PIP4K2B: variants seen among roughly 807,000 people sequenced by gnomAD.
PIP4K2B encodes phosphatidylinositol 5-phosphate 4-kinase type-2 beta.
A neutral mutation model predicts 42.0 loss-of-function variants in PIP4K2B; 3 were observed. The observed-to-expected ratio is 0.07, with a 90% CI of 0.03 to 0.18. The LOEUF (loss-of-function observed/expected upper bound fraction) is 0.18. PIP4K2B is among the 10% of genes least tolerant of loss of function. The probability of loss-of-function intolerance (pLI) is 1.00; values close to 1 mark genes in which losing one functional copy is unlikely to be tolerated. For synonymous variants in PIP4K2B, 204 were observed against 210.1 expected (o/e 0.97, Z 0.25); for missense variants, 332 against 562.3 (o/e 0.59, Z 4.14).
intron 1 of PIP4K2B, among the ~76,000 whole-genome samples, chr17:38,798,699 GCTT>G (rs1910781052): frequency 6.6e-6 from 1 of 152,164 alleles, no homozygotes; most frequent in Non-Finnish European, 1.5e-5. Flanking sequence ...GGAAGCCTGT[GCTT>G]CTCCAGTTGA....
rs1472253939 is a variant in PIP4K2B at position 38,799,428 on chromosome 17, CGGGGCGGCGGCGGCGGCGGCGAAAGAGG to C, written c.-32_-5del. 5 of 1,578,638 alleles carry C rather than the reference CGGGGCGGCGGCGGCGGCGGCGAAAGAGG, an allele frequency of 3.2e-6. No individual in the cohort carries two copies. In the African/African-American group the frequency reaches 4.1e-5, roughly 13 times the overall value. On this transcript the variant is annotated 5_prime_UTR_variant, in exon 1 of 10. Coordinates refer to ENST00000619039, the MANE Select transcript of PIP4K2B (RefSeq NM_003559.5). This position sits in a 1 kb window ranked among gnomAD's most constrained non-coding sequence, Gnocchi z 4.4. ...TGCTGGTGCAGTTGGACGACATGCC[CGGGGCGGCGGCGGCGGCGGCGAAAGAGG>C]GGGGCGGCGGAGACAGCGCACAAGC... is the stretch of plus-strand genomic sequence containing the variant.
chr17:38,791,449 T>TG (rs1167026546), intron 1 of PIP4K2B, among the ~76,000 whole-genome samples: 2 of 135,458 alleles, frequency 1.5e-5, no homozygotes, highest in Non-Finnish European at 3.1e-5. Context: ...AGAGCTTTGC[T>TG]CTGGTTTCCC....
rs995194881 is a variant in PIP4K2B, at chr17:38,765,740, CG to C, written c.*3950del. ...TTTTTTCCTCAGGTTGGAGATTCAT[CG>C]TAACATGCATGCATTTTCAAACAGT... On this transcript the variant is annotated 3_prime_UTR_variant, in exon 10 of 10. Transcript: ENST00000619039. The C allele has an allele frequency of 6.6e-6, 1 of 152,532 alleles. No individual in the cohort carries two copies. Among genetic ancestry groups the C allele is most frequent in the Admixed American group, 6.5e-5 (1 of 15,284 alleles). 9.4% of individuals were successfully genotyped at this position (152,532 alleles called of 1,614,324 possible).
chr17:38,780,636 G>A (rs201209806), intron 3 of PIP4K2B, 32 bp from the exon 4 acceptor site: 1 of 1,597,448 alleles, frequency 6.3e-7, no homozygotes, highest in East Asian at 2.3e-5. Context: ...GGCTGGGCTT[G>A]GCAGGGGAAC....
chr17:38,784,426 G>A, intron 2 of PIP4K2B, 87 bp from the exon 3 acceptor site: 1 of 763,840 alleles, frequency 1.3e-6, no homozygotes, highest in South Asian at 1.8e-5. Context: ...AATAGAGACA[G>A]AGTCTTGCTA....
intron 1 of PIP4K2B, among the ~76,000 whole-genome samples, chr17:38,788,177 AATTT>A (rs56975985): frequency 0.11 from 16,134 of 144,274 alleles, 2,107 homozygotes; most frequent in African/African-American, 0.32. Flanking sequence ...TAATAGATTA[AATTT>A]ATTTATTTAT....
At chr17:38,784,009 C>T (rs1363620955) in intron 3 of PIP4K2B, among the ~76,000 whole-genome samples, 2 of 152,212 alleles carry the variant, frequency 1.3e-5, no homozygotes, top group Non-Finnish European at 2.9e-5. Context: ...TCCTGCTGCC[C>T]TCCCTCTGAG....
intron 1 of PIP4K2B, among the ~76,000 whole-genome samples, chr17:38,788,908 G>A (rs1489777271): frequency 6.6e-6 from 1 of 151,120 alleles, no homozygotes; most frequent in Non-Finnish European, 1.5e-5. Flanking sequence ...GGCCGAGATC[G>A]CGCCACTGCC....
At chr17:38,770,907 CAA>C in intron 8 of PIP4K2B, 105 bp downstream of exon 8, 1 of 1,282,420 alleles carries the variant, frequency 7.8e-7, no homozygotes, top group Non-Finnish European at 1.1e-6. Flanking sequence ...TCAAAGGCAG[CAA>C]TGAATGAGGT....
intron 1 of PIP4K2B, among the ~76,000 whole-genome samples, chr17:38,796,086 C>T (rs1910646743): frequency 2.0e-5 from 3 of 151,578 alleles, no homozygotes; most frequent in South Asian, 4.2e-4. Context: ...TGCGGTGAGC[C>T]GAGATTGCAC....
chr17:38,771,381 C>T, intron 7 of PIP4K2B, 109 bp from the exon 8 acceptor site: 1 of 1,308,046 alleles, frequency 7.6e-7, no homozygotes, highest in Non-Finnish European at 1.1e-6. Context: ...ATTCTACAAA[C>T]AGTTTTGAAA....
rs1317030858 is a variant in PIP4K2B at position 38,767,001 on chromosome 17, C to G, written c.*2690G>C. On this transcript the variant is annotated 3_prime_UTR_variant, in exon 10 of 10. Coordinates refer to ENST00000619039, the MANE Select transcript of PIP4K2B (RefSeq NM_003559.5). ...CCAGCCAGGAATCCTGGCCTTAGCC[C>G]TATCCTGGCCTCGCCTAATCAGCCA... The G allele has an allele frequency of 1.3e-5, 2 of 152,250 alleles. No individual in the cohort carries two copies. The highest frequency in any genetic ancestry group is 2.9e-5 in the Non-Finnish European group (2 of 68,070). 9.4% of individuals were successfully genotyped at this position (152,250 alleles called of 1,614,324 possible). A position where few individuals can be genotyped will look rare whatever the true frequency, so the allele number is the denominator to read the frequency against.
Position 38,769,288 on chromosome 17 carries a change from G to T in PIP4K2B, c.*403C>A, listed in dbSNP as rs1908877603. On this transcript the variant is annotated 3_prime_UTR_variant, in exon 10 of 10. Transcript: ENST00000619039. ...TCAGCAAAGATGGGGAGGGTGGGTA[G>T]GCTGATGAAATATGATTATAAATAG... 1.0e-5 allele frequency: 2 copies of T among 190,894 alleles called. No individual in the cohort carries two copies. The highest frequency in any genetic ancestry group is 2.3e-4 in the South Asian group (2 of 8,588). The allele number at this position is 190,894 out of a possible 1,614,324, so 11.8% of individuals were successfully genotyped here.
At position 38,768,593 on chromosome 17, in the gene PIP4K2B, G is replaced by T. The variant is rs777613813; in HGVS notation, c.*1098C>A. The T allele has an allele frequency of 1.3e-5, 2 of 152,226 alleles. No homozygotes were observed. Among genetic ancestry groups the T allele is most frequent in the African/African-American group, 4.8e-5 (2 of 41,452 alleles). The allele number at this position is 152,226 out of a possible 1,614,324, so 9.4% of individuals were successfully genotyped here. A position where few individuals can be genotyped will look rare whatever the true frequency, so the allele number is the denominator to read the frequency against. Reference sequence around the variant, plus strand: ...ACAGATCTCCTACAAGGTCATCCCGGAGCTTAACGAGGTGTCTCTGCTAAA... The same window carrying T: ...ACAGATCTCCTACAAGGTCATCCCGTAGCTTAACGAGGTGTCTCTGCTAAA... On this transcript the variant is annotated 3_prime_UTR_variant, in exon 10 of 10. Coordinates refer to ENST00000619039, the MANE Select transcript of PIP4K2B (RefSeq NM_003559.5).
At chr17:38,769,872 T>C (rs2143306210) in intron 9 of PIP4K2B, 101 bp from the exon 10 acceptor site, 2 of 1,103,262 alleles carry the variant, frequency 1.8e-6, no homozygotes, top group African/African-American at 1.5e-5. Context: ...TTACTCAGTA[T>C]CAGAGCTGAA....
At chr17:38,769,880 G>A in intron 9 of PIP4K2B, 109 bp from the exon 10 acceptor site, 1 of 980,356 alleles carries the variant, frequency 1.0e-6, no homozygotes, top group Non-Finnish European at 1.6e-6. Context: ...TATCAGAGCT[G>A]AATACCACCC....
intron 1 of PIP4K2B, among the ~76,000 whole-genome samples, chr17:38,788,042 C>T (rs539475646): frequency 7.2e-5 from 11 of 152,174 alleles, no homozygotes; most frequent in African/African-American, 2.4e-4. Flanking sequence ...GTCTCCCAAC[C>T]TAAGTGGGTA....
intron 2 of PIP4K2B, among the ~76,000 whole-genome samples, chr17:38,785,039 GTAGGAA>G (rs1909930777): frequency 6.6e-6 from 1 of 152,188 alleles, no homozygotes; most frequent in Non-Finnish European, 1.5e-5. Flanking sequence ...CCACTGGGAC[GTAGGAA>G]AAGAGTGCCT....
At chr17:38,780,820 T>C (rs78097265) in intron 3 of PIP4K2B, among the ~76,000 whole-genome samples, 8,180 of 152,206 alleles carry the variant, frequency 0.054, 752 homozygotes, top group African/African-American at 0.19. Flanking sequence ...TACCACCTGC[T>C]CTTCATCCCA....
Sources: allele counts gnomAD v4.1 joint callset (sites outside exome capture counted in the v4.1 genomes callset), GRCh38; gene constraint gnomAD v4.1.1; non-coding constraint Gnocchi (gnomAD v3.1); transcripts MANE v1.5; gene names NCBI Gene and HGNC (gene_info 2026-07-23, HGNC 2026-07-21).